FAM174C: variants seen among roughly 807,000 people sequenced by gnomAD.
FAM174C encodes protein FAM174C.
In FAM174C, 19 loss-of-function variants were observed where a neutral mutation model predicts 12.3. The observed-to-expected ratio is 1.55, with a 90% CI of 1.08 to 2.27. FAM174C has a LOEUF of 2.27. FAM174C is among the 30% of genes most tolerant of loss of function. FAM174C has a pLI of 0.00. For missense variants in FAM174C, 239 were observed against 190.2 expected (o/e 1.26, Z -1.51); for synonymous variants, 147 against 103.5 (o/e 1.42, Z -2.55).
Position 1,275,714 on chromosome 19 carries a change from C to G in FAM174C, c.165C>G (p.His55Gln), listed in dbSNP as rs915829610. ...VTNGSQPGAP[H>Q]NSTHTRPPGA... ...ACGGGAGCCAGCCGGGCGCGCCACA[C>G]AACAGCACGCACACGCGTCCGCCGG... Residue 55 changes from histidine to glutamine, a missense_variant, in exon 1 of 3, where the codon CAC (histidine) becomes CAG (glutamine). Transcript: ENST00000409293. The G allele has an allele frequency of 6.5e-7, 1 of 1,529,058 alleles. No individual in the cohort carries two copies. The highest frequency in any genetic ancestry group is 8.8e-7 in the Non-Finnish European group (1 of 1,142,708). The allele number at this position is 1,529,058 out of a possible 1,614,324, so 94.7% of individuals were successfully genotyped here.
At chr19:1,278,124 T>G (rs538901879) in intron 2 of FAM174C, among the ~76,000 whole-genome samples, 560 of 16,354 alleles carry the variant, frequency 0.034, 4 homozygotes, top group African/African-American at 0.11. Context: ...AGGGTAGTGG[T>G]TGCTCCATCT....
chr19:1,278,532 T>C (rs978868556), intron 2 of FAM174C, among the ~76,000 whole-genome samples: 2 of 152,046 alleles, frequency 1.3e-5, no homozygotes, highest in African/African-American at 2.4e-5. Context: ...CTCCGCATGC[T>C]CTGACTCCAT....
At position 1,275,530 on chromosome 19, in the gene FAM174C, GC is replaced by G; in HGVS notation, c.-18del. On this transcript the variant is annotated 5_prime_UTR_variant, in exon 1 of 3. Coordinates refer to ENST00000409293, the MANE Select transcript of FAM174C (RefSeq NM_017914.4). ...ACAGCGCGCATAGGGGCGGGGCGCC[GC>G]CACCGCTTCCGCCGGGCCATGGGGC... 8.4e-7 allele frequency: 1 copy of G among 1,194,612 alleles called. No homozygotes were observed. The highest frequency in any genetic ancestry group is 1.0e-6 in the Non-Finnish European group (1 of 966,858). 74.0% of individuals were successfully genotyped at this position (1,194,612 alleles called of 1,614,324 possible).
intron 1 of FAM174C, 77 bp downstream of exon 1, chr19:1,275,907 G>A: frequency 1.5e-6 from 2 of 1,348,814 alleles, no homozygotes; most frequent in Non-Finnish European, 1.0e-6. Flanking sequence ...GTGCCGGGCC[G>A]CGGGGTCCTC....
chr19:1,275,795 C>T lies in FAM174C; in HGVS notation c.246C>T (p.Gly82=), dbSNP rs2081410368. 6.5e-7 allele frequency: 1 copy of T among 1,538,696 alleles called. No individual in the cohort carries two copies. The highest frequency in any genetic ancestry group is 1.2e-5 in the South Asian group (1 of 84,044). Residue 82 remains glycine (G), a synonymous_variant, in exon 1 of 3, where the codon GGC becomes GGT. Coordinates refer to ENST00000409293, the MANE Select transcript of FAM174C (RefSeq NM_017914.4). ...RSFYVILGFC[G]LTALYFLIRA... is the part of the protein sequence containing the mutation. Reference sequence around the variant, plus strand: ...TCTACGTGATCCTGGGCTTCTGCGGCCTGACCGCGCTCTACTTCCTGATCC... The same window carrying T: ...TCTACGTGATCCTGGGCTTCTGCGGTCTGACCGCGCTCTACTTCCTGATCC...
chr19:1,277,176 C>T lies in FAM174C; in HGVS notation c.282-7C>T. Reference sequence around the variant, plus strand: ...GGGCCACTGACTATGCCTGGACCTACTTCCAGGTTGAAGAAGCCTCAGCGG... The same window carrying T: ...GGGCCACTGACTATGCCTGGACCTATTTCCAGGTTGAAGAAGCCTCAGCGG... On this transcript the variant is annotated splice_polypyrimidine_tract_variant and splice_region_variant and intron_variant, in intron 1 of 2. Transcript: ENST00000409293. 6.5e-7 allele frequency: 1 copy of T among 1,536,544 alleles called. No individual in the cohort carries two copies. The highest frequency in any genetic ancestry group is 8.8e-7 in the Non-Finnish European group (1 of 1,135,100).
chr19:1,277,637 A>G (rs1011113834), intron 2 of FAM174C, among the ~76,000 whole-genome samples: 8 of 151,902 alleles, frequency 5.3e-5, no homozygotes, highest in South Asian at 4.1e-4. Flanking sequence ...CGCCTCGCTA[A>G]TTTTTTGTAT....
chr19:1,278,621 AGG>A (rs1412002516), intron 2 of FAM174C, among the ~76,000 whole-genome samples, 154 bp from the exon 3 acceptor site: 1 of 127,756 alleles, frequency 7.8e-6, no homozygotes, highest in East Asian at 2.6e-4. Flanking sequence ...CACAGGGCCC[AGG>A]AGGCCGGGGA....
At chr19:1,275,939 C>T (rs571164912) in intron 1 of FAM174C, 109 bp downstream of exon 1, 20 of 1,007,734 alleles carry the variant, frequency 2.0e-5, no homozygotes, top group Middle Eastern at 3.1e-4. Context: ...TCCCTCCCTC[C>T]CTCTCTCCCT....
intron 2 of FAM174C, 43 bp from the exon 3 acceptor site, chr19:1,278,734 G>T (rs1195733470): frequency 6.2e-7 from 1 of 1,609,482 alleles, no homozygotes; most frequent in Admixed American, 1.7e-5. Context: ...GGCAGGGCGG[G>T]CCCTTCACTC....
intron 2 of FAM174C, 107 bp from the exon 3 acceptor site, chr19:1,278,670 C>G: frequency 6.5e-7 from 1 of 1,546,050 alleles, no homozygotes; most frequent in Non-Finnish European, 8.7e-7. Flanking sequence ...CCTGGTAGAC[C>G]GAGGGGCCTG....
chr19:1,277,504 C>T (rs551354239), intron 2 of FAM174C, among the ~76,000 whole-genome samples: 1 of 152,068 alleles, frequency 6.6e-6, no homozygotes, highest in East Asian at 1.9e-4. Flanking sequence ...AAATGTTTGT[C>T]ATTTATTTAT....
Position 1,275,780 on chromosome 19 carries a change from C to G in FAM174C, c.231C>G (p.Ile77Met), listed in dbSNP as rs1008910196. ...CGCTGACGCGCTCCTTCTACGTGAT[C>G]CTGGGCTTCTGCGGCCTGACCGCGC... is the stretch of plus-strand genomic sequence containing the variant. ...GSALTRSFYV[I>M]LGFCGLTALY... Residue 77 changes from isoleucine to methionine, a missense_variant, in exon 1 of 3, where the codon ATC (isoleucine) becomes ATG (methionine). By Grantham distance (10) the Ile-to-Met change is conservative. Transcript: ENST00000409293. 3.2e-6 allele frequency: 5 copies of G among 1,539,914 alleles called. No individual in the cohort carries two copies. Among genetic ancestry groups the G allele is most frequent in the Admixed American group, 3.9e-5 (2 of 50,982 alleles).
rs1008910196 is a variant in FAM174C, at chr19:1,275,780, C to A, written c.231C>A (p.Ile77=). ...GSALTRSFYV[I]LGFCGLTALY... is the part of the protein sequence containing the mutation. The stretch of plus-strand genomic sequence containing the variant: ...CGCTGACGCGCTCCTTCTACGTGAT[C>A]CTGGGCTTCTGCGGCCTGACCGCGC... The change falls in exon 1 of 3, where the codon ATC becomes ATA. Residue 77 remains isoleucine (I), a synonymous_variant. Transcript: ENST00000409293. 1.3e-6 allele frequency: 2 copies of A among 1,539,806 alleles called. No individual in the cohort carries two copies. The highest frequency in any genetic ancestry group is 1.4e-5 in the African/African-American group (1 of 72,842).
In FAM174C at chr19:1,277,196, C is replaced by T. The variant is rs1425442708; in HGVS notation, c.295C>T (p.Gln99Ter). Residue 99 changes from glutamine (Q) to a stop codon, truncating the protein, a stop_gained, in exon 2 of 3, where the codon CAG (glutamine) becomes TAG (stop). Transcript: ENST00000409293. LOFTEE classifies it high-confidence loss of function. ...LIRAFRLKKP[Q>*]RRRYGLLANT... ...ACCTACTTCCAGGTTGAAGAAGCCT[C>T]AGCGGAGGCGATACGGCCTCCTCGC... is the stretch of plus-strand genomic sequence containing the variant. The T allele has an allele frequency of 1.9e-6, 3 of 1,542,380 alleles. No individual in the cohort carries two copies. Among genetic ancestry groups the T allele is most frequent in the East Asian group, 2.5e-5 (1 of 40,614 alleles).
rs1301636699 is a variant in FAM174C, at chr19:1,275,781, C to T, written c.232C>T (p.Leu78=). 12 of 1,539,800 alleles carry T rather than the reference C, an allele frequency of 7.8e-6. No individual in the cohort carries two copies. The highest frequency in any genetic ancestry group is 4.8e-5 in the South Asian group (4 of 84,052). Residue 78 remains leucine (L), a synonymous_variant, in exon 1 of 3, where the codon CTG becomes TTG. Transcript: ENST00000409293. ...GCTGACGCGCTCCTTCTACGTGATC[C>T]TGGGCTTCTGCGGCCTGACCGCGCT... ...SALTRSFYVI[L]GFCGLTALYF...
intron 1 of FAM174C, 90 bp downstream of exon 1, chr19:1,275,920 C>G (rs958136643): frequency 2.6e-6 from 2 of 780,922 alleles, no homozygotes; most frequent in South Asian, 1.8e-5. Context: ...GGGTCCTCCC[C>G]TCCCTCCCTC....
In FAM174C at chr19:1,277,305, C is replaced by T. The variant is rs2081420053; in HGVS notation, c.398+6C>T. On this transcript the variant is annotated splice_donor_region_variant and intron_variant, in intron 2 of 2. Transcript: ENST00000409293. The stretch of plus-strand genomic sequence containing the variant: ...GAGTCCCGGAATCTGAGATGGTGTG[C>T]ACCCTTCCCCAGCTCTGGGGCCTCG... 6.5e-7 allele frequency: 1 copy of T among 1,540,810 alleles called. No individual in the cohort carries two copies. The highest frequency in any genetic ancestry group is 8.8e-7 in the Non-Finnish European group (1 of 1,138,746).
At chr19:1,277,007 G>T (rs1010738752) in intron 1 of FAM174C, 176 bp from the exon 2 acceptor site, 2 of 992,170 alleles carry the variant, frequency 2.0e-6, no homozygotes, top group Non-Finnish European at 2.8e-6. Flanking sequence ...CATCGCCATG[G>T]GAGTGAATGG....
Sources: gnomAD v4.1 joint callset for allele counts (sites outside exome capture counted in the v4.1 genomes callset) on GRCh38, gnomAD v4.1.1 for gene constraint, MANE v1.5 for transcripts, NCBI Gene and HGNC (gene_info 2026-07-23, HGNC 2026-07-21) for gene names.